The following KIF2A variants were observed in gnomAD, a reference collection of about 807,000 sequenced individuals.
KIF2A encodes kinesin-like protein KIF2A.
In KIF2A, 22 loss-of-function variants were observed where a neutral mutation model predicts 100.2. That is an observed-to-expected ratio of 0.22 (90% CI 0.16 to 0.31). KIF2A has a LOEUF of 0.31. KIF2A is among the 10% of genes least tolerant of loss of function. The pLI, the probability that KIF2A is intolerant of heterozygous loss-of-function variation, is 1.00. For synonymous variants in KIF2A, 268 were observed against 285.9 expected, an observed-to-expected ratio of 0.94 and a Z score of 0.63; for missense variants, 495 against 898.7, an observed-to-expected ratio of 0.55 and a Z score of 5.74.
chr5:62,372,027 C>T (rs942259483), intron 16 of KIF2A, among the ~76,000 whole-genome samples: 1 of 152,154 alleles, frequency 6.6e-6, no homozygotes, highest in Non-Finnish European at 1.5e-5. Context: ...GGACTTAATT[C>T]CCTTGTGTCC....
intron 1 of KIF2A, among the ~76,000 whole-genome samples, chr5:62,319,622 A>C (rs1346843803): frequency 6.6e-6 from 1 of 152,150 alleles, no homozygotes; most frequent in Non-Finnish European, 1.5e-5. Context: ...TAGCACAGGC[A>C]CTCTGCACAC....
Position 62,352,724 on chromosome 5 carries a change from G to T in KIF2A, c.457+14G>T, listed in dbSNP as rs530035993. 8 of 1,606,406 alleles carry T rather than the reference G, an allele frequency of 5.0e-6. No homozygotes were observed. The highest frequency in any genetic ancestry group is 4.5e-5 in the East Asian group (2 of 44,710). On this transcript the variant is annotated intron_variant, in intron 5 of 20. Transcript: ENST00000407818. ...TTGGACCCCCTTGTATGTAAATTAT[G>T]TATCAAGGATTTAGTCATTTTAGGC... is the stretch of plus-strand genomic sequence containing the variant.
rs924728106 is a variant in KIF2A at position 62,306,209 on chromosome 5, C to T, written c.-264C>T. The T allele has an allele frequency of 6.8e-5, 29 of 426,538 alleles. No homozygotes were observed. Among genetic ancestry groups the T allele is most frequent in the Admixed American group, 5.2e-4 (11 of 21,342 alleles). 26.4% of individuals were successfully genotyped at this position (426,538 alleles called of 1,614,324 possible). On this transcript the variant is annotated 5_prime_UTR_variant, in exon 1 of 21. Transcript: ENST00000407818. ...GGCGGGCGGTGCGGGCCCTCCCACT[C>T]TACCCCGCGCCGTCTCACGGCCCCG...
At position 62,385,544 on chromosome 5, in the gene KIF2A, AC is replaced by A. The variant is rs1164114909; in HGVS notation, c.2213del (p.Pro738ArgfsTer23). 5.0e-6 allele frequency: 8 copies of A among 1,593,598 alleles called. No individual in the cohort carries two copies. The highest frequency in any genetic ancestry group is 6.8e-6 in the Non-Finnish European group (8 of 1,169,610). On this transcript the variant is annotated frameshift_variant, in exon 21 of 21. Transcript: ENST00000407818. LOFTEE classifies it high-confidence loss of function. ...GAGGAACAAGCCAGCAAGCAAATCA[AC>A]CCGAAGAGACCCCGTGCCCTTTAAA... ...QEEEQASKQI[N>X]PKRPRAL
At chr5:62,330,443 G>C (rs889454342) in intron 1 of KIF2A, among the ~76,000 whole-genome samples, 3 of 152,192 alleles carry the variant, frequency 2.0e-5, no homozygotes, top group African/African-American at 7.2e-5. Flanking sequence ...CCATCAATGT[G>C]TTCTGAGGTA....
At chr5:62,331,600 A>T (rs1277140115) in intron 1 of KIF2A, among the ~76,000 whole-genome samples, 2 of 152,194 alleles carry the variant, frequency 1.3e-5, no homozygotes, top group East Asian at 1.9e-4. Flanking sequence ...AAGAAAAAAA[A>T]CAAAATTATA....
intron 1 of KIF2A, 103 bp downstream of exon 1, chr5:62,306,639 G>C (rs1327373512): frequency 1.0e-6 from 1 of 959,416 alleles, no homozygotes; most frequent in African/African-American, 1.7e-5. Flanking sequence ...TCGCCGGGCT[G>C]TGGGGGTGGG....
intron 1 of KIF2A, among the ~76,000 whole-genome samples, chr5:62,346,029 A>G (rs1235398531): frequency 6.6e-6 from 1 of 152,160 alleles, no homozygotes. Flanking sequence ...AATATACAAT[A>G]GTATTCATTG....
At chr5:62,363,563 T>C in intron 13 of KIF2A, 132 bp from the exon 14 acceptor site, 1 of 789,936 alleles carries the variant, frequency 1.3e-6, no homozygotes, top group Non-Finnish European at 2.0e-6. Flanking sequence ...ACTCAGTGTC[T>C]CATCTGTATT....
At chr5:62,363,990 TAATA>T in intron 14 of KIF2A, 91 bp downstream of exon 14, 1 of 994,330 alleles carries the variant, frequency 1.0e-6, no homozygotes, top group Non-Finnish European at 1.5e-6. Flanking sequence ...TTGTTTTACC[TAATA>T]AAAAGAGGTT....
rs1745862006 is a variant in KIF2A, at chr5:62,317,223, T to TTC, written c.64+10688_64+10689insCT. Among the ~76,000 whole-genome samples the TTC allele has an allele frequency of 2.6e-5, 4 of 152,106 alleles. No homozygotes were observed. The South Asian group carries it at 8.3e-4, about 32-fold the overall frequency. The stretch of plus-strand genomic sequence containing the variant: ...GCCACCGTGCCCAGCTAATTTTGTA[T>TTC]TTTTAGTAGAGATGGGGTTTCTCCG... On this transcript the variant is annotated intron_variant, in intron 1 of 20. Transcript: ENST00000407818.
chr5:62,378,090 T>A (rs867406919), intron 19 of KIF2A, among the ~76,000 whole-genome samples: 1 of 152,196 alleles, frequency 6.6e-6, no homozygotes, highest in Admixed American at 6.5e-5. Flanking sequence ...TTGATAGCAG[T>A]TAAGAAAAAC....
intron 1 of KIF2A, among the ~76,000 whole-genome samples, chr5:62,311,481 G>A (rs770150036): frequency 2.3e-4 from 35 of 152,120 alleles, no homozygotes; most frequent in Non-Finnish European, 4.1e-4. Flanking sequence ...AAATCAAGAG[G>A]CAATTGAAGA....
At position 62,366,708 on chromosome 5, in the gene KIF2A, G is replaced by A. The variant is rs566774284; in HGVS notation, c.1646+227G>A. Among the ~76,000 whole-genome samples the A allele has an allele frequency of 1.5e-4, 23 of 152,088 alleles. No individual in the cohort carries two copies. In the South Asian group the frequency reaches 4.6e-3, roughly 30 times the overall value. The stretch of plus-strand genomic sequence containing the variant: ...TAGCCAGGCATGGTGGTGGGTGCCT[G>A]TAGTCCCAGCTACTCGGGAAGCTGA... On this transcript the variant is annotated intron_variant, in intron 16 of 20. Transcript: ENST00000407818.
At chr5:62,306,831 T>G in intron 1 of KIF2A, 1 of 395,734 alleles carries the variant, frequency 2.5e-6, no homozygotes, top group African/African-American at 2.1e-5. Flanking sequence ...CGCTCGCTCC[T>G]CCTCCCGCAA....
Position 62,368,916 on chromosome 5 carries a change from C to T in KIF2A, c.1646+2435C>T, listed in dbSNP as rs559107797. Among the ~76,000 whole-genome samples the T allele has an allele frequency of 9.9e-5, 15 of 152,134 alleles. No individual in the cohort carries two copies. In the South Asian group the frequency reaches 1.0e-3, roughly 11 times the overall value. On this transcript the variant is annotated intron_variant, in intron 16 of 20. Transcript: ENST00000407818. ...AGTTTTAATTGATCTTGGTAATTAACGTTTTTGATATGTGGGATTTTTATC... is the reference window on the plus strand; with the variant it reads ...AGTTTTAATTGATCTTGGTAATTAATGTTTTTGATATGTGGGATTTTTATC...
intron 1 of KIF2A, among the ~76,000 whole-genome samples, chr5:62,346,823 T>A: frequency 6.6e-6 from 1 of 152,240 alleles, no homozygotes. Flanking sequence ...TTCTAATGAT[T>A]AGAACTGTTT....
chr5:62,313,277 A>C (rs144325742), intron 1 of KIF2A, among the ~76,000 whole-genome samples: 1 of 152,318 alleles, frequency 6.6e-6, no homozygotes, highest in African/African-American at 2.4e-5. Context: ...TGGATGGAAA[A>C]TACATGTCAT....
chr5:62,355,904 C>T (rs1218142115), intron 7 of KIF2A, among the ~76,000 whole-genome samples: 1 of 151,252 alleles, frequency 6.6e-6, no homozygotes, highest in Non-Finnish European at 1.5e-5. Context: ...GTCTCAGCTT[C>T]CCAAGTAGCT....
Sources: allele counts gnomAD v4.1 joint callset (sites outside exome capture counted in the v4.1 genomes callset), GRCh38; gene constraint gnomAD v4.1.1; transcripts MANE v1.5; gene names NCBI Gene and HGNC (gene_info 2026-07-23, HGNC 2026-07-21).